RAB3B: variants seen among roughly 807,000 people sequenced by gnomAD.
The protein encoded by RAB3B is ras-related protein Rab-3B.
A neutral mutation model predicts 20.5 loss-of-function variants in RAB3B; 11 were observed. That is an observed-to-expected ratio of 0.54 (90% confidence interval 0.34 to 0.89). The LOEUF (loss-of-function observed/expected upper bound fraction) is 0.89, where lower values mean the gene tolerates loss of function less well. RAB3B is among the 40% of genes least tolerant of loss of function. The probability of loss-of-function intolerance (pLI) is 0.02; values close to 1 mark genes in which losing one functional copy is unlikely to be tolerated. For synonymous variants in RAB3B, 99 were observed against 106.3 expected (o/e 0.93, Z 0.42); for missense variants, 225 against 280.9 (o/e 0.80, Z 1.42).
rs1201135092 is a variant in RAB3B at position 51,908,097 on chromosome 1, C to A, written c.*11830G>T. On this transcript the variant is annotated 3_prime_UTR_variant, in exon 5 of 5. Coordinates refer to ENST00000371655, the MANE Select transcript of RAB3B (RefSeq NM_002867.4). ...CACCATAGATATTTGTAAATGAGAT[C>A]TTCTCTTTTGCTACTGTGTATATAT... 6.6e-6 allele frequency: 1 copy of A among 152,254 alleles called. No homozygotes were observed. Among genetic ancestry groups the A allele is most frequent in the East Asian group, 1.9e-4 (1 of 5,172 alleles). 9.4% of individuals were successfully genotyped at this position (152,254 alleles called of 1,614,324 possible). A position where few individuals can be genotyped will look rare whatever the true frequency, so the allele number is the denominator to read the frequency against.
At chr1:51,956,859 T>C (rs1431299356) in intron 2 of RAB3B, among the ~76,000 whole-genome samples, 3 of 152,136 alleles carry the variant, frequency 2.0e-5, no homozygotes, top group Non-Finnish European at 2.9e-5. Flanking sequence ...ATTTTACAGA[T>C]AAAGTAATGA....
chr1:51,923,228 A>G (rs1684197169), intron 4 of RAB3B, among the ~76,000 whole-genome samples: 1 of 152,206 alleles, frequency 6.6e-6, no homozygotes, highest in Admixed American at 6.5e-5. Flanking sequence ...ACTGAGACTC[A>G]GAGATGGGCC....
intron 2 of RAB3B, among the ~76,000 whole-genome samples, chr1:51,957,994 C>A (rs1463053460): frequency 6.6e-6 from 1 of 152,176 alleles, no homozygotes; most frequent in Non-Finnish European, 1.5e-5. Context: ...AGGGTCCAAC[C>A]TCAGAATTGC....
At chr1:51,988,955 C>G (rs1685182920) in intron 1 of RAB3B, among the ~76,000 whole-genome samples, 1 of 151,846 alleles carries the variant, frequency 6.6e-6, no homozygotes, top group African/African-American at 2.4e-5. Flanking sequence ...GAAGGCTTCC[C>G]CAACCCACCC....
chr1:51,984,125 G>A (rs550981392), intron 1 of RAB3B, among the ~76,000 whole-genome samples: 5 of 151,398 alleles, frequency 3.3e-5, no homozygotes, highest in South Asian at 4.2e-4. Flanking sequence ...TTCGCTGGGC[G>A]TGGTGGTGGC....
Position 51,912,758 on chromosome 1 carries a change from A to G in RAB3B, c.*7169T>C, listed in dbSNP as rs982262962. On this transcript the variant is annotated 3_prime_UTR_variant, in exon 5 of 5. Coordinates refer to ENST00000371655, the MANE Select transcript of RAB3B (RefSeq NM_002867.4). ...AAATGGAGAAAAATGATCAGATTTGAGATATATTTAGAAGTAAAACCCTAG... is the reference window on the plus strand; with the variant it reads ...AAATGGAGAAAAATGATCAGATTTGGGATATATTTAGAAGTAAAACCCTAG... 6.6e-6 allele frequency: 1 copy of G among 151,248 alleles called. No individual in the cohort carries two copies. Among genetic ancestry groups the G allele is most frequent in the Admixed American group, 6.6e-5 (1 of 15,160 alleles). The allele number at this position is 151,248 out of a possible 1,614,324, so 9.4% of individuals were successfully genotyped here.
At chr1:51,979,277 T>C (rs1178111607) in intron 1 of RAB3B, among the ~76,000 whole-genome samples, 3 of 151,698 alleles carry the variant, frequency 2.0e-5, no homozygotes, top group Non-Finnish European at 2.9e-5. Context: ...GCTTTTTTTT[T>C]TTTTTTTTCT....
rs765148300 is a variant in RAB3B at position 51,933,309 on chromosome 1, T to C, written c.472+9A>G. 6.2e-7 allele frequency: 1 copy of C among 1,613,624 alleles called. No individual in the cohort carries two copies. The highest frequency in any genetic ancestry group is 8.5e-7 in the Non-Finnish European group (1 of 1,179,806). ...TGCACACATGCACATACATGTGTCA[T>C]GTACATACCAAGCTGCTCTGCAAGG... On this transcript the variant is annotated intron_variant, in intron 4 of 4. Coordinates refer to ENST00000371655, the MANE Select transcript of RAB3B (RefSeq NM_002867.4).
rs148093823 is a variant in RAB3B at position 51,926,614 on chromosome 1, G to T, written c.473-6500C>A. On this transcript the variant is annotated intron_variant, in intron 4 of 4. Transcript: ENST00000371655. ...AGAAACCCTTATTCTCCTGACTCAGGCTGTGTGTTACCACAGCATAATCTA... is the reference window on the plus strand; with the variant it reads ...AGAAACCCTTATTCTCCTGACTCAGTCTGTGTGTTACCACAGCATAATCTA... 3.3e-4 allele frequency among the ~76,000 whole-genome samples: 51 copies of T among 152,286 alleles called. No homozygotes were observed. In the East Asian group the frequency reaches 7.9e-3, roughly 24 times the overall value.
At chr1:51,963,605 T>C (rs1253848618) in intron 2 of RAB3B, among the ~76,000 whole-genome samples, 4 of 152,210 alleles carry the variant, frequency 2.6e-5, no homozygotes, top group Non-Finnish European at 5.9e-5. Context: ...TTCCACAGTC[T>C]ATTCACTCTC....
At chr1:51,976,397 G>C (rs1318555453) in intron 2 of RAB3B, among the ~76,000 whole-genome samples, 1 of 152,032 alleles carries the variant, frequency 6.6e-6, no homozygotes, top group Non-Finnish European at 1.5e-5. Flanking sequence ...ATGAACTTAT[G>C]AAGTGATTTG....
intron 1 of RAB3B, among the ~76,000 whole-genome samples, chr1:51,978,663 C>G (rs1272301070): frequency 6.6e-6 from 1 of 152,214 alleles, no homozygotes; most frequent in Non-Finnish European, 1.5e-5. Flanking sequence ...GCTTCTCCAC[C>G]TGAAATCTCC....
At chr1:51,922,694 TTTTA>T (rs1269501321) in intron 4 of RAB3B, among the ~76,000 whole-genome samples, 2 of 151,798 alleles carry the variant, frequency 1.3e-5, no homozygotes, top group African/African-American at 4.8e-5. Context: ...TTAATTTCAT[TTTTA>T]TTTATTTATT....
intron 2 of RAB3B, among the ~76,000 whole-genome samples, chr1:51,975,834 A>T (rs1022936101): frequency 2.0e-5 from 3 of 152,106 alleles, no homozygotes; most frequent in Non-Finnish European, 4.4e-5. Context: ...TCTACTAAAA[A>T]TACAAAAATT....
intron 4 of RAB3B, among the ~76,000 whole-genome samples, chr1:51,920,959 G>A (rs1420593278): frequency 6.6e-6 from 1 of 152,082 alleles, no homozygotes; most frequent in Non-Finnish European, 1.5e-5. Flanking sequence ...AAGGCCCAGG[G>A]AAAACTACAT....
Position 51,966,782 on chromosome 1 carries a change from C to T in RAB3B, c.228+10108G>A, listed in dbSNP as rs572764614. ...GAGCACAGGATGGTGTACTCAGGAA[C>T]TGTCTTCACATTCCTGGAGCCACAG... On this transcript the variant is annotated intron_variant, in intron 2 of 4. Transcript: ENST00000371655. Among the ~76,000 whole-genome samples the T allele has an allele frequency of 3.3e-5, 5 of 152,242 alleles. No homozygotes were observed. The East Asian group carries it at 9.7e-4, about 29-fold the overall frequency.
intron 1 of RAB3B, among the ~76,000 whole-genome samples, chr1:51,986,819 G>A (rs1172527921): frequency 6.6e-6 from 1 of 152,222 alleles, no homozygotes; most frequent in Non-Finnish European, 1.5e-5. Context: ...GATCTTCTTA[G>A]GAGGGGGCGG....
chr1:51,959,756 G>A (rs1256720274), intron 2 of RAB3B, among the ~76,000 whole-genome samples: 2 of 152,168 alleles, frequency 1.3e-5, no homozygotes, highest in Non-Finnish European at 1.5e-5. Flanking sequence ...ATAGTATATC[G>A]ATATTGGTTA....
At chr1:51,930,739 T>C (rs1435763657) in intron 4 of RAB3B, among the ~76,000 whole-genome samples, 1 of 152,072 alleles carries the variant, frequency 6.6e-6, no homozygotes, top group Non-Finnish European at 1.5e-5. Context: ...AGAATGGCCA[T>C]ACAAGGTGGC....
Sources: gnomAD v4.1 joint callset for allele counts (sites outside exome capture counted in the v4.1 genomes callset) on GRCh38, gnomAD v4.1.1 for gene constraint, MANE v1.5 for transcripts, NCBI Gene and HGNC (gene_info 2026-07-23, HGNC 2026-07-21) for gene names.